The following CPNE4 variants were observed in gnomAD, a reference collection of about 807,000 sequenced individuals.
The protein encoded by CPNE4 is copine-4.
A neutral mutation model predicts 67.9 loss-of-function variants in CPNE4; 25 were observed. The ratio of observed to expected loss-of-function variants is 0.37; its 90% CI spans 0.27 to 0.51. The LOEUF (loss-of-function observed/expected upper bound fraction) is 0.51. Ranked by LOEUF, CPNE4 falls within the 20% of genes least tolerant of loss-of-function variation. The probability of loss-of-function intolerance (pLI) is 0.93; values close to 1 mark genes in which losing one functional copy is unlikely to be tolerated. For missense variants in CPNE4, 464 were observed against 690.8 expected, an observed-to-expected ratio of 0.67 and a Z score of 3.68; for synonymous variants, 242 against 244.9, an observed-to-expected ratio of 0.99 and a Z score of 0.11.
At chr3:131,676,922 T>C (rs1156387071) in intron 6 of CPNE4, among the ~76,000 whole-genome samples, 1 of 152,186 alleles carries the variant, frequency 6.6e-6, no homozygotes, top group Non-Finnish European at 1.5e-5. Context: ...GGTTGAATGA[T>C]AGTTCTGTCT....
chr3:131,945,338 G>C (rs192537148), intron 1 of CPNE4, among the ~76,000 whole-genome samples: 1 of 152,136 alleles, frequency 6.6e-6, no homozygotes, highest in East Asian at 1.9e-4. Flanking sequence ...AAATCTTCCT[G>C]CAAGAGAACC....
At chr3:132,035,842 T>C (rs2074330211), upstream of CPNE4, among the ~76,000 whole-genome samples, 1 of 152,206 alleles carries the variant, frequency 6.6e-6, no homozygotes. Flanking sequence ...GGTCTCTTTC[T>C]GACATTGGGA....
At chr3:131,710,839 G>C (rs1235994385) in intron 3 of CPNE4, among the ~76,000 whole-genome samples, 1 of 152,144 alleles carries the variant, frequency 6.6e-6, no homozygotes, top group Non-Finnish European at 1.5e-5. Flanking sequence ...AAGCTCAGAG[G>C]TAATGTAGCT....
chr3:131,872,288 C>G (rs754652746), intron 2 of CPNE4, among the ~76,000 whole-genome samples: 4 of 152,012 alleles, frequency 2.6e-5, no homozygotes, highest in Non-Finnish European at 4.4e-5. Context: ...TGGCAGTTCA[C>G]AAGATTTGCA....
intron 2 of CPNE4, among the ~76,000 whole-genome samples, chr3:131,785,260 C>A (rs1434705725): frequency 6.6e-6 from 1 of 152,146 alleles, no homozygotes; most frequent in Non-Finnish European, 1.5e-5. Context: ...CTTGGTCACA[C>A]TCTTCAGCTA....
chr3:132,012,289 C>A (rs1208858204), intron 1 of CPNE4, among the ~76,000 whole-genome samples: 2 of 150,078 alleles, frequency 1.3e-5, no homozygotes, highest in Non-Finnish European at 3.0e-5. Context: ...CTGCCTCAAA[C>A]TCCTGAGTAG....
At chr3:131,708,494 G>A (rs964603344) in intron 3 of CPNE4, among the ~76,000 whole-genome samples, 2 of 152,136 alleles carry the variant, frequency 1.3e-5, no homozygotes, top group African/African-American at 4.8e-5. Context: ...AGCTGATGGA[G>A]GAATGTATAA....
chr3:131,845,077 C>A (rs1177141885), intron 2 of CPNE4, among the ~76,000 whole-genome samples: 1 of 152,130 alleles, frequency 6.6e-6, no homozygotes, highest in Non-Finnish European at 1.5e-5. Flanking sequence ...AATCACCTAA[C>A]AAAGTGAAAA....
chr3:131,948,686 T>A (rs57564153), intron 1 of CPNE4, among the ~76,000 whole-genome samples: 23,642 of 152,206 alleles, frequency 0.16, 2,063 homozygotes, highest in African/African-American at 0.23. Flanking sequence ...GTTTTAGCTA[T>A]CAGTTTTTCG....
intron 2 of CPNE4, among the ~76,000 whole-genome samples, chr3:131,751,690 T>C (rs557486340): frequency 8.1e-4 from 123 of 152,292 alleles, no homozygotes; most frequent in African/African-American, 2.9e-3. Flanking sequence ...GCTTTTGGTA[T>C]GACAAGTTAA....
chr3:131,853,467 A>C (rs777073364), intron 2 of CPNE4, among the ~76,000 whole-genome samples: 4 of 151,862 alleles, frequency 2.6e-5, no homozygotes, highest in Non-Finnish European at 5.9e-5. Flanking sequence ...ATAAAATGTC[A>C]AGGAGAAAAC....
chr3:131,845,148 G>A (rs1224715259), intron 2 of CPNE4, among the ~76,000 whole-genome samples: 1 of 152,162 alleles, frequency 6.6e-6, no homozygotes, highest in Admixed American at 6.6e-5. Flanking sequence ...CTGCTTAAAA[G>A]CCTTAGAAAA....
chr3:131,870,564 AG>A (rs2087155444), intron 2 of CPNE4, among the ~76,000 whole-genome samples: 1 of 152,166 alleles, frequency 6.6e-6, no homozygotes, highest in African/African-American at 2.4e-5. Flanking sequence ...TGCATGAACA[AG>A]TACACAGCAG....
At chr3:131,611,365 CTGAT>C (rs949111129) in intron 7 of CPNE4, among the ~76,000 whole-genome samples, 1 of 152,150 alleles carries the variant, frequency 6.6e-6, no homozygotes, top group African/African-American at 2.4e-5. Flanking sequence ...AACTTCATGA[CTGAT>C]TGACAAAGTA....
chr3:131,566,295 G>T (rs955428917), intron 10 of CPNE4, among the ~76,000 whole-genome samples: 1 of 151,916 alleles, frequency 6.6e-6, no homozygotes, highest in Non-Finnish European at 1.5e-5. Context: ...AAACTGAAAT[G>T]TGTGTGTATG....
chr3:132,007,058 G>A (rs2073628158), intron 1 of CPNE4, among the ~76,000 whole-genome samples: 1 of 152,076 alleles, frequency 6.6e-6, no homozygotes. Flanking sequence ...TGTTAATGAT[G>A]ACTGTGATGT....
chr3:131,908,482 CT>C (rs1189949975), intron 1 of CPNE4, among the ~76,000 whole-genome samples: 1 of 151,968 alleles, frequency 6.6e-6, no homozygotes, highest in African/African-American at 2.4e-5. Context: ...CTGAATTCCG[CT>C]TTTCCCAATG....
intron 2 of CPNE4, among the ~76,000 whole-genome samples, chr3:131,739,250 G>A (rs1198878885): frequency 6.6e-6 from 1 of 152,012 alleles, no homozygotes; most frequent in East Asian, 1.9e-4. Flanking sequence ...TACACACTGG[G>A]CCATTCCCCT....
chr3:131,561,336 C>T (rs1054535981), intron 11 of CPNE4, among the ~76,000 whole-genome samples: 4 of 150,772 alleles, frequency 2.7e-5, no homozygotes, highest in Admixed American at 6.6e-5. Context: ...CTTGTGTGGG[C>T]CTGTGTGTGT....
Sources: allele counts gnomAD v4.1 joint callset (sites outside exome capture counted in the v4.1 genomes callset), GRCh38; gene constraint gnomAD v4.1.1; transcripts MANE v1.5; gene names NCBI Gene and HGNC (gene_info 2026-07-23, HGNC 2026-07-21).